Variants in BUB1B observed in about 807,000 individuals in gnomAD.
BUB1B encodes the protein mitotic checkpoint serine/threonine-protein kinase BUB1 beta.
BUB1B carries 86 observed loss-of-function variants against 137.7 expected under a neutral mutation model. That is an observed-to-expected ratio of 0.62 (90% CI 0.52 to 0.75). The LOEUF (loss-of-function observed/expected upper bound fraction) is 0.75. Ranked by LOEUF, BUB1B falls within the 30% of genes least tolerant of loss-of-function variation. The pLI is 0.00. For synonymous variants in BUB1B, 420 were observed against 417.9 expected, an observed-to-expected ratio of 1.00 and a Z score of -0.06; for missense variants, 1,130 against 1,236.9, an observed-to-expected ratio of 0.91 and a Z score of 1.30.
intron 4 of BUB1B, chr15:40,173,942 A>G (rs1471592287): frequency 2.3e-6 from 1 of 436,552 alleles, no homozygotes; most frequent in Admixed American, 2.6e-5. Context: ...TAAGGAAAAA[A>G]TTGTTTCTGG....
At chr15:40,187,688 C>T (rs1481643952) in intron 8 of BUB1B, among the ~76,000 whole-genome samples, 2 of 152,070 alleles carry the variant, frequency 1.3e-5, no homozygotes, top group Admixed American at 6.5e-5. Flanking sequence ...GTGAAAGGAT[C>T]GCTTGAGCCC....
intron 1 of BUB1B, 133 bp downstream of exon 1, chr15:40,161,388 T>G (rs2140876604): frequency 9.3e-7 from 1 of 1,075,792 alleles, no homozygotes; most frequent in South Asian, 2.4e-5. Context: ...GCCTCCTTCC[T>G]TTTGGAGTAG....
chr15:40,194,207 A>AT (rs2037471492), intron 8 of BUB1B, among the ~76,000 whole-genome samples: 1 of 151,930 alleles, frequency 6.6e-6, no homozygotes, highest in Non-Finnish European at 1.5e-5. Context: ...AAATAGGTTG[A>AT]TTTTGTATAC....
rs2037328945 is a variant in BUB1B, at chr15:40,183,968, G to GGACACTTCT, written c.751+86_751+94dup. The GGACACTTCT allele has an allele frequency of 2.1e-6, 3 of 1,419,544 alleles. No homozygotes were observed. In the South Asian group the frequency reaches 3.6e-5, roughly 17 times the overall value. 87.9% of individuals were successfully genotyped at this position (1,419,544 alleles called of 1,614,324 possible). A position where few individuals can be genotyped will look rare whatever the true frequency, so the allele number is the denominator to read the frequency against. ...GAAGATAATACATAAATATACCTGTGGACACTTCTAGTTTGCTGAATACTG... is the reference window on the plus strand; with the variant it reads ...GAAGATAATACATAAATATACCTGTGGACACTTCTGACACTTCTAGTTTGCTGAATACTG... On this transcript the variant is annotated intron_variant, in intron 6 of 22. Coordinates refer to ENST00000287598, the MANE Select transcript of BUB1B (RefSeq NM_001211.6).
intron 12 of BUB1B, among the ~76,000 whole-genome samples, chr15:40,201,613 C>A (rs1164144200): frequency 6.6e-6 from 1 of 152,122 alleles, no homozygotes; most frequent in Non-Finnish European, 1.5e-5. Context: ...TCACAGTATA[C>A]GGATCTTAAC....
At chr15:40,174,660 C>G (rs1313208790) in intron 4 of BUB1B, among the ~76,000 whole-genome samples, 2 of 152,292 alleles carry the variant, frequency 1.3e-5, no homozygotes, top group East Asian at 1.9e-4. Context: ...GAACTCCTAA[C>G]TAGAACATTG....
At position 40,208,656 on chromosome 15, in the gene BUB1B, C is replaced by T. The variant is rs772150171; in HGVS notation, c.2029C>T (p.Arg677Cys). ...KKLSPIIEDSREATHSSGFSG... is the reference protein window; with the variant it reads ...KKLSPIIEDSCEATHSSGFSG... Reference sequence around the variant, plus strand: ...TTTTAGCCCAATTATTGAAGACAGTCGTGAAGCCACACACTCCTCTGGCTT... The same window carrying T: ...TTTTAGCCCAATTATTGAAGACAGTTGTGAAGCCACACACTCCTCTGGCTT... The change falls in exon 16 of 23, where the codon CGT becomes TGT. Residue 677 changes from arginine (R) to cysteine (C), a missense_variant. Transcript: ENST00000287598. 5.6e-6 allele frequency: 9 copies of T among 1,613,626 alleles called. No homozygotes were observed. Among genetic ancestry groups the T allele is most frequent in the Admixed American group, 1.7e-5 (1 of 59,996 alleles).
intron 18 of BUB1B, 131 bp downstream of exon 18, chr15:40,210,341 C>G: frequency 2.6e-6 from 2 of 772,884 alleles, no homozygotes; most frequent in South Asian, 3.2e-5. Flanking sequence ...AGTATCCTTT[C>G]AGTTTCATTT....
chr15:40,193,082 TCAAGTGATC>T (rs2037456209), intron 8 of BUB1B, among the ~76,000 whole-genome samples: 1 of 152,070 alleles, frequency 6.6e-6, no homozygotes, highest in South Asian at 2.1e-4. Flanking sequence ...ACTCCTGGGA[TCAAGTGATC>T]TTCCTGCGTC....
chr15:40,202,643 C>T lies in BUB1B; in HGVS notation c.1683C>T (p.Leu561=). Reference sequence around the variant, plus strand: ...CTCAACGAAGACCCCTTGCAGTTCTCAAAACCTCAGAAAGCATCACCTCAA... The same window carrying T: ...CTCAACGAAGACCCCTTGCAGTTCTTAAAACCTCAGAAAGCATCACCTCAA... The part of the protein sequence containing the change: ...VLAQRRPLAV[L]KTSESITSNE... The change falls in exon 14 of 23, where the codon CTC becomes CTT. Residue 561 remains leucine, a synonymous_variant. Coordinates refer to ENST00000287598, the MANE Select transcript of BUB1B (RefSeq NM_001211.6). 1 of 1,614,130 alleles carries T rather than the reference C, an allele frequency of 6.2e-7. No homozygotes were observed. The highest frequency in any genetic ancestry group is 8.5e-7 in the Non-Finnish European group (1 of 1,180,028).
chr15:40,207,025 G>T (rs564651069), intron 15 of BUB1B, among the ~76,000 whole-genome samples: 1 of 152,248 alleles, frequency 6.6e-6, no homozygotes, highest in Non-Finnish European at 1.5e-5. Flanking sequence ...GGCCAGGCTG[G>T]TCTCAAACTC....
chr15:40,210,649 G>A (rs1022151899), intron 18 of BUB1B, among the ~76,000 whole-genome samples: 9 of 152,094 alleles, frequency 5.9e-5, no homozygotes, highest in African/African-American at 1.9e-4. Flanking sequence ...AGCTGGGACC[G>A]TAGGTGCACG....
intron 8 of BUB1B, among the ~76,000 whole-genome samples, chr15:40,191,368 C>T (rs187560588): frequency 6.6e-6 from 1 of 152,298 alleles, no homozygotes; most frequent in Admixed American, 6.5e-5. Flanking sequence ...CTAGATACAA[C>T]TTCTTTTCGG....
At chr15:40,173,717 G>A (rs557311847) in intron 4 of BUB1B, among the ~76,000 whole-genome samples, 2 of 152,290 alleles carry the variant, frequency 1.3e-5, no homozygotes, top group African/African-American at 4.8e-5. Flanking sequence ...TGAGAAGCAC[G>A]GGTATAGACA....
chr15:40,193,115 A>G (rs754018611), intron 8 of BUB1B, among the ~76,000 whole-genome samples: 26 of 152,044 alleles, frequency 1.7e-4, no homozygotes, highest in Non-Finnish European at 2.9e-4. Flanking sequence ...CTCCCAGAGC[A>G]CTGGGATTAC....
At chr15:40,209,953 T>G (rs2037690176) in intron 17 of BUB1B, among the ~76,000 whole-genome samples, 157 bp from the exon 18 acceptor site, 1 of 152,198 alleles carries the variant, frequency 6.6e-6, no homozygotes, top group Non-Finnish European at 1.5e-5. Context: ...TTATGTCTTC[T>G]CCTCTTGCAA....
chr15:40,215,391 G>A (rs2037763181), intron 20 of BUB1B, among the ~76,000 whole-genome samples: 1 of 152,142 alleles, frequency 6.6e-6, no homozygotes, highest in Admixed American at 6.6e-5. Flanking sequence ...AGAATTGCTT[G>A]AACTCAGGAG....
chr15:40,176,635 G>A lies in BUB1B; in HGVS notation c.543G>A (p.Gln181=). ...ADAIFQEGIQ[Q]KAEPLERLQS... ...CGATATTTCAGGAAGGGATTCAACA[G>A]AAGGCTGAACCACTAGAAAGACTAC... Residue 181 remains glutamine (Q), a synonymous_variant, in exon 5 of 23, where the codon CAG becomes CAA. Transcript: ENST00000287598. 1.2e-6 allele frequency: 2 copies of A among 1,614,122 alleles called. No individual in the cohort carries two copies. The highest frequency in any genetic ancestry group is 1.1e-5 in the South Asian group (1 of 91,078).
At chr15:40,171,685 C>T (rs1469349015) in intron 4 of BUB1B, among the ~76,000 whole-genome samples, 2 of 152,120 alleles carry the variant, frequency 1.3e-5, no homozygotes, top group African/African-American at 4.8e-5. Flanking sequence ...CCTTTCACTC[C>T]TTTATGAAAG....
Sources: gnomAD v4.1 joint callset for allele counts (sites outside exome capture counted in the v4.1 genomes callset) on GRCh38, gnomAD v4.1.1 for gene constraint, MANE v1.5 for transcripts, NCBI Gene and HGNC (gene_info 2026-07-23, HGNC 2026-07-21) for gene names.